Variants in GALNT2 observed in about 807,000 individuals in gnomAD.
GALNT2 encodes UDP-GalNAc:polypeptide N-acetylgalactosaminyltransferase 2.
Under a neutral mutation model 81.4 loss-of-function variants are expected in GALNT2, and 31 were observed. The ratio of observed to expected loss-of-function variants is 0.38; its 90% CI spans 0.29 to 0.51. The LOEUF (loss-of-function observed/expected upper bound fraction) is 0.51, where lower values mean the gene tolerates loss of function less well. Among genes scored for constraint, GALNT2 ranks in the 20% least tolerant of loss-of-function variants. GALNT2 has a pLI of 0.87. For missense variants in GALNT2, 629 were observed against 765.7 expected, an observed-to-expected ratio of 0.82 and a Z score of 2.11; for synonymous variants, 303 against 287.4, an observed-to-expected ratio of 1.05 and a Z score of -0.55.
intron 8 of GALNT2, among the ~76,000 whole-genome samples, chr1:230,248,526 G>A (rs72761986): frequency 8.5e-4 from 129 of 152,306 alleles, no homozygotes; most frequent in Middle Eastern, 3.4e-3. Flanking sequence ...AACCAAGTCC[G>A]GGTACAGGGT....
At chr1:230,180,759 C>T (rs142906677) in intron 2 of GALNT2, among the ~76,000 whole-genome samples, 2 of 152,224 alleles carry the variant, frequency 1.3e-5, no homozygotes, top group East Asian at 1.9e-4. Flanking sequence ...AATATTTTTT[C>T]ATTTAATTCT....
chr1:230,154,485 G>T (rs564251728), intron 1 of GALNT2, among the ~76,000 whole-genome samples: 1 of 152,226 alleles, frequency 6.6e-6, no homozygotes, highest in Admixed American at 6.5e-5. Context: ...TTCTGGGAGA[G>T]AAGGTAGTAT....
At chr1:230,226,663 GC>G (rs1313460471) in intron 3 of GALNT2, among the ~76,000 whole-genome samples, 2 of 152,202 alleles carry the variant, frequency 1.3e-5, no homozygotes, top group South Asian at 2.1e-4. Flanking sequence ...TGGCTCAGAG[GC>G]AGGGGCCTCG....
chr1:230,075,719 T>C (rs760776092), intron 1 of GALNT2, among the ~76,000 whole-genome samples: 1 of 152,160 alleles, frequency 6.6e-6, no homozygotes, highest in Non-Finnish European at 1.5e-5. Context: ...AGACATGAAG[T>C]CAGTTACGTC....
intron 3 of GALNT2, among the ~76,000 whole-genome samples, chr1:230,214,168 AGT>A (rs943014703): frequency 8.0e-5 from 12 of 150,200 alleles, no homozygotes; most frequent in Non-Finnish European, 1.5e-4. Context: ...GCTGGAGTGC[AGT>A]GGTGTGATCT....
intron 1 of GALNT2, among the ~76,000 whole-genome samples, chr1:230,089,507 G>A (rs569905111): frequency 9.9e-5 from 15 of 152,186 alleles, no homozygotes; most frequent in East Asian, 3.9e-4. Context: ...ACCACCATCC[G>A]TCTTTAGAAC....
chr1:230,266,274 G>A lies in GALNT2; in HGVS notation c.1440+907G>A, dbSNP rs1666035219. ...ATTGCAAAGGAGAGACAAAATGAAG[G>A]CTTGATGGGCCCAGCTGAGACTTCG... is the stretch of plus-strand genomic sequence containing the variant. On this transcript the variant is annotated intron_variant, in intron 14 of 15. Coordinates refer to ENST00000366672, the MANE Select transcript of GALNT2 (RefSeq NM_004481.5). Among the ~76,000 whole-genome samples, 3 of 152,180 alleles carry A rather than the reference G, an allele frequency of 2.0e-5. No homozygotes were observed. In the South Asian group the frequency reaches 6.2e-4, roughly 32 times the overall value.
At chr1:230,153,737 G>T (rs1377003439) in intron 1 of GALNT2, among the ~76,000 whole-genome samples, 1 of 152,190 alleles carries the variant, frequency 6.6e-6, no homozygotes, top group Non-Finnish European at 1.5e-5. Flanking sequence ...CTGTCTGGCC[G>T]AGGCCACTCC....
intron 3 of GALNT2, 58 bp downstream of exon 3, chr1:230,203,348 G>C: frequency 6.3e-7 from 1 of 1,575,874 alleles, no homozygotes; most frequent in Non-Finnish European, 8.7e-7. Flanking sequence ...AAACCAGTAC[G>C]TCGCTTTCAC....
intron 1 of GALNT2, among the ~76,000 whole-genome samples, chr1:230,175,555 CT>C (rs573789352): frequency 7.5e-4 from 99 of 131,712 alleles, no homozygotes; most frequent in African/African-American, 2.8e-3. Flanking sequence ...TCCCCTCCCC[CT>C]CCTTCCCCTC....
intron 1 of GALNT2, among the ~76,000 whole-genome samples, chr1:230,069,295 T>TG (rs1659303052): frequency 1.3e-5 from 2 of 151,614 alleles, no homozygotes; most frequent in African/African-American, 2.4e-5. Flanking sequence ...TGTTTTGTTT[T>TG]TTTTAAAGAA....
intron 1 of GALNT2, among the ~76,000 whole-genome samples, chr1:230,150,646 C>T (rs1662064600): frequency 6.6e-6 from 1 of 152,236 alleles, no homozygotes; most frequent in African/African-American, 2.4e-5. Flanking sequence ...TTAAGCTCTA[C>T]TTATAATTCT....
intron 14 of GALNT2, 79 bp from the exon 15 acceptor site, chr1:230,274,366 T>C: frequency 6.4e-7 from 1 of 1,551,172 alleles, no homozygotes; most frequent in Non-Finnish European, 8.8e-7. Flanking sequence ...ATTTCCTTTT[T>C]GAGCCCTCAT....
intron 15 of GALNT2, among the ~76,000 whole-genome samples, chr1:230,277,026 T>C (rs1362023910): frequency 6.6e-6 from 1 of 152,252 alleles, no homozygotes; most frequent in African/African-American, 2.4e-5. Flanking sequence ...CAATATTGCT[T>C]AATTTCAAGA....
intron 1 of GALNT2, among the ~76,000 whole-genome samples, chr1:230,068,385 C>T (rs1470701831): frequency 1.3e-5 from 2 of 152,250 alleles, no homozygotes; most frequent in African/African-American, 4.8e-5. Context: ...AGCATGCCGG[C>T]AGGGGACGTT....
intron 1 of GALNT2, among the ~76,000 whole-genome samples, chr1:230,132,485 C>G (rs1171371024): frequency 6.6e-6 from 1 of 152,198 alleles, no homozygotes; most frequent in South Asian, 2.1e-4. Context: ...TCCTGCACCC[C>G]CTCTAGTTGG....
intron 3 of GALNT2, among the ~76,000 whole-genome samples, chr1:230,222,031 C>CTT (rs564681409): frequency 2.0e-4 from 19 of 96,128 alleles, no homozygotes; most frequent in Non-Finnish European, 3.0e-4. Flanking sequence ...CTGCTTTTCT[C>CTT]TTTTTTTTTT....
At chr1:230,223,817 G>T (rs1664626831) in intron 3 of GALNT2, among the ~76,000 whole-genome samples, 2 of 152,190 alleles carry the variant, frequency 1.3e-5, no homozygotes, top group African/African-American at 2.4e-5. Context: ...GCAATTCAGT[G>T]TATCTGAAAA....
intron 1 of GALNT2, among the ~76,000 whole-genome samples, chr1:230,095,567 C>T (rs1660230078): frequency 1.6e-5 from 2 of 122,972 alleles, no homozygotes; most frequent in African/African-American, 2.7e-5. Flanking sequence ...CGAAGTGGAA[C>T]GTCTTTCTGG....
Sources: gnomAD v4.1 joint callset for allele counts (sites outside exome capture counted in the v4.1 genomes callset) on GRCh38, gnomAD v4.1.1 for gene constraint, MANE v1.5 for transcripts, NCBI Gene and HGNC (gene_info 2026-07-23, HGNC 2026-07-21) for gene names.